The following CUL2 variants were observed in gnomAD, a reference collection of about 807,000 sequenced individuals.
CUL2 encodes the protein cullin-2.
A neutral mutation model predicts 110.2 loss-of-function variants in CUL2; 22 were observed. That is an observed-to-expected ratio of 0.20 (90% confidence interval 0.14 to 0.28). CUL2 has a LOEUF of 0.28. CUL2 is among the 10% of genes least tolerant of loss of function. The probability of loss-of-function intolerance (pLI) is 1.00; values close to 1 mark genes in which losing one functional copy is unlikely to be tolerated. For synonymous variants in CUL2, 279 were observed against 293.2 expected (o/e 0.95, Z 0.49); for missense variants, 631 against 905.5 (o/e 0.70, Z 3.89).
intron 18 of CUL2, 84 bp downstream of exon 18, chr10:35,016,108 C>A: frequency 9.0e-7 from 1 of 1,115,144 alleles, no homozygotes; most frequent in Non-Finnish European, 1.3e-6. Flanking sequence ...ATAACAATTA[C>A]AGCCTTATTT....
At chr10:35,064,493 A>G (rs2086466961) in intron 2 of CUL2, among the ~76,000 whole-genome samples, 1 of 152,104 alleles carries the variant, frequency 6.6e-6, no homozygotes, top group Admixed American at 6.6e-5. Flanking sequence ...CATCAACTCC[A>G]TACTCCCAGC....
At position 35,039,051 on chromosome 10, in the gene CUL2, C is replaced by T. The variant is rs1400726464; in HGVS notation, c.746G>A (p.Arg249Gln). 3.1e-6 allele frequency: 5 copies of T among 1,602,708 alleles called. No homozygotes were observed. The highest frequency in any genetic ancestry group is 1.7e-5 in the Admixed American group (1 of 58,492). Residue 249 changes from arginine to glutamine, a missense_variant, in exon 9 of 21, where the codon CGA becomes CAA. By Grantham distance (43) the Arg-to-Gln change is conservative (BLOSUM62 1). Coordinates refer to ENST00000374749, the MANE Select transcript of CUL2 (RefSeq NM_003591.4). Reference protein sequence around the residue: ...VLGRLKDEEIRCRKYLHPSSY... With the variant: ...VLGRLKDEEIQCRKYLHPSSY... The stretch of plus-strand genomic sequence containing the variant: ...ACTTGGATGTAGGTATTTTCGACAT[C>T]GAATTTCTTCATCTTTTAATCTACC...
intron 1 of CUL2, among the ~76,000 whole-genome samples, chr10:35,126,147 T>TG (rs1303617741): frequency 4.7e-5 from 7 of 149,128 alleles, no homozygotes; most frequent in African/African-American, 1.7e-4. Context: ...AAAAAAGAGA[T>TG]GAAGTCTCAC....
chr10:35,061,114 C>A, intron 3 of CUL2, 146 bp from the exon 4 acceptor site: 1 of 866,252 alleles, frequency 1.2e-6, no homozygotes, highest in Non-Finnish European at 1.7e-6. Context: ...ATTAACTACA[C>A]GTATTAAAAA....
intron 6 of CUL2, 129 bp downstream of exon 6, chr10:35,049,554 G>A (rs1344845638): frequency 1.8e-6 from 1 of 570,640 alleles, no homozygotes; most frequent in East Asian, 3.1e-5. Flanking sequence ...GGCATTGGAA[G>A]TAAAATGAGG....
intron 17 of CUL2, among the ~76,000 whole-genome samples, chr10:35,017,689 T>C (rs2085070616): frequency 7.9e-6 from 1 of 126,196 alleles, no homozygotes; most frequent in Non-Finnish European, 1.7e-5. Context: ...TGAGTATCTG[T>C]CTCAAAAAAA....
intron 5 of CUL2, among the ~76,000 whole-genome samples, chr10:35,053,619 A>C (rs1249682574): frequency 6.6e-6 from 1 of 152,210 alleles, no homozygotes; most frequent in African/African-American, 2.4e-5. Flanking sequence ...CCAAGTATGG[A>C]TCACTAGGCT....
chr10:35,011,211 A>ATT (rs5784437), intron 20 of CUL2, among the ~76,000 whole-genome samples: 16 of 133,740 alleles, frequency 1.2e-4, no homozygotes, highest in Admixed American at 3.7e-4. Context: ...TAATTTTTTA[A>ATT]TTTTTTTTTT....
At chr10:35,105,804 C>A (rs1461855642) in intron 1 of CUL2, among the ~76,000 whole-genome samples, 1 of 146,236 alleles carries the variant, frequency 6.8e-6, no homozygotes, top group African/African-American at 2.5e-5. Context: ...ATGAACCTGG[C>A]TCCTGAAAGA....
At chr10:35,028,521 ATATCAACATTTT>A (rs936937868) in intron 16 of CUL2, among the ~76,000 whole-genome samples, 2 of 152,204 alleles carry the variant, frequency 1.3e-5, no homozygotes, top group African/African-American at 4.8e-5. Flanking sequence ...CTTTCTTCTG[ATATCAACATTTT>A]TATAATTTAA....
intron 17 of CUL2, among the ~76,000 whole-genome samples, chr10:35,017,421 C>T (rs975725327): frequency 8.6e-5 from 13 of 151,788 alleles, no homozygotes; most frequent in African/African-American, 2.4e-4. Flanking sequence ...GTGCTGGGCA[C>T]GGTAGCTTAT....
intron 1 of CUL2, among the ~76,000 whole-genome samples, chr10:35,102,610 C>A (rs1213726151): frequency 6.6e-6 from 1 of 151,614 alleles, no homozygotes; most frequent in South Asian, 2.1e-4. Context: ...AAAGGCCTGG[C>A]ACCGTGGCTC....
At chr10:35,026,596 GA>G in intron 16 of CUL2, among the ~76,000 whole-genome samples, 1 of 151,914 alleles carries the variant, frequency 6.6e-6, no homozygotes, top group East Asian at 1.9e-4. Flanking sequence ...TTTTATTGAC[GA>G]TAATATCAAT....
rs779197205 is a variant in CUL2, at chr10:35,025,204, A to G, written c.1618-6T>C. 2.1e-4 allele frequency: 115 copies of G among 544,508 alleles called. No individual in the cohort carries two copies. The highest frequency in any genetic ancestry group is 3.6e-4 in the Middle Eastern group (1 of 2,784). 33.7% of individuals were successfully genotyped at this position (544,508 alleles called of 1,614,324 possible). On this transcript the variant is annotated splice_polypyrimidine_tract_variant and splice_region_variant and intron_variant, in intron 16 of 20. Transcript: ENST00000374749. ...TGGCTATAAAATAATTCAAACTGTA[A>G]AAAAAAAAAAAAAACACACATTATT...
chr10:35,114,705 T>G (rs2087570743), intron 1 of CUL2, among the ~76,000 whole-genome samples: 1 of 152,112 alleles, frequency 6.6e-6, no homozygotes, highest in Non-Finnish European at 1.5e-5. Context: ...TAAAAATAGA[T>G]TTTATAAATA....
intron 9 of CUL2, among the ~76,000 whole-genome samples, chr10:35,036,724 T>C (rs1256266656): frequency 6.6e-6 from 1 of 152,172 alleles, no homozygotes; most frequent in Non-Finnish European, 1.5e-5. Flanking sequence ...TGTCTTCTGA[T>C]GATCCAGTGG....
chr10:35,035,069 G>T, intron 10 of CUL2, 103 bp downstream of exon 10: 2 of 1,350,572 alleles, frequency 1.5e-6, no homozygotes, highest in East Asian at 2.4e-5. Flanking sequence ...TCGTTGGCAT[G>T]GTAAGACTTT....
At chr10:35,094,055 C>T (rs2087256438), upstream of CUL2, among the ~76,000 whole-genome samples, 1 of 151,976 alleles carries the variant, frequency 6.6e-6, no homozygotes, top group African/African-American at 2.4e-5. Flanking sequence ...TTCCTGAGGC[C>T]TCCCTAGACA....
intron 5 of CUL2, 97 bp from the exon 6 acceptor site, chr10:35,049,862 A>G: frequency 1.3e-6 from 1 of 752,728 alleles, no homozygotes; most frequent in Non-Finnish European, 2.2e-6. Context: ...CATCAAAAGA[A>G]GTATTTATAC....
Sources: gnomAD v4.1 joint callset for allele counts (sites outside exome capture counted in the v4.1 genomes callset) on GRCh38, gnomAD v4.1.1 for gene constraint, MANE v1.5 for transcripts, NCBI Gene and HGNC (gene_info 2026-07-23, HGNC 2026-07-21) for gene names.